The following MYH16 variants were observed in gnomAD, a reference collection of about 807,000 sequenced individuals.
MYH16 encodes the protein putative uncharacterized protein MYH16.
chr7:99,289,444 A>T (rs529175241), intron 30 of MYH16, 40 bp downstream of exon 11: 10 of 321,220 alleles, frequency 3.1e-5, no homozygotes, highest in South Asian at 2.3e-4. Context: ...GGAGCAGTGC[A>T]TGGAAAGGAA....
chr7:99,246,214 A>C (rs1791727345), intron 2 of MYH16, among the ~76,000 whole-genome samples: 1 of 151,636 alleles, frequency 6.6e-6, no homozygotes, highest in South Asian at 2.1e-4. Context: ...TCTAAAAAAA[A>C]AAAAAGAAAG....
At chr7:99,285,084 G>C in intron 26 of MYH16, 149 bp downstream of exon 8, 2 of 400,336 alleles carry the variant, frequency 5.0e-6, no homozygotes, top group South Asian at 3.7e-5. Context: ...CCCCTCACTA[G>C]GGGTGAAATC....
At chr7:99,310,634 A>T (rs567047044), downstream of MYH16, 1 of 152,340 alleles carries the variant, frequency 6.6e-6, no homozygotes, top group South Asian at 2.1e-4. Context: ...CATCCCAGGG[A>T]GCTGTCTTTC....
chr7:99,308,359 A>G (rs1226711736), downstream of MYH16, among the ~76,000 whole-genome samples: 1 of 149,654 alleles, frequency 6.7e-6, no homozygotes, highest in Non-Finnish European at 1.5e-5. Flanking sequence ...CCCGGGGAGT[A>G]GCCACTATTC....
At chr7:99,251,058 A>G in intron 5 of MYH16, 1 of 178,362 alleles carries the variant, frequency 5.6e-6, no homozygotes, top group Non-Finnish European at 1.2e-5. Flanking sequence ...GCAGCAGCCA[A>G]CTGGTCAACT....
chr7:99,309,096 G>A (rs1792722116), downstream of MYH16, among the ~76,000 whole-genome samples: 1 of 152,174 alleles, frequency 6.6e-6, no homozygotes, highest in Admixed American at 6.6e-5. Context: ...CCTGTGCTAT[G>A]AAAAGGCAAG....
At chr7:99,244,719 G>C (rs1791708016) in intron 2 of MYH16, among the ~76,000 whole-genome samples, 1 of 152,230 alleles carries the variant, frequency 6.6e-6, no homozygotes, top group Non-Finnish European at 1.5e-5. Flanking sequence ...AGGTCTGGAA[G>C]TTAGCAGGGC....
intron 33 of MYH16, among the ~76,000 whole-genome samples, chr7:99,294,835 G>A (rs968802664): frequency 1.3e-5 from 2 of 152,062 alleles, no homozygotes; most frequent in Non-Finnish European, 2.9e-5. Context: ...CTAAGTGCCA[G>A]GATTATAGGC....
At chr7:99,263,765 T>C (rs1304320377) in intron 14 of MYH16, among the ~76,000 whole-genome samples, 1 of 152,182 alleles carries the variant, frequency 6.6e-6, no homozygotes, top group Non-Finnish European at 1.5e-5. Context: ...GTTCTATGTT[T>C]CTTTTCTGTT....
intron 6 of MYH16, among the ~76,000 whole-genome samples, chr7:99,252,210 G>T (rs185904948): frequency 1.8e-4 from 28 of 152,192 alleles, no homozygotes; most frequent in Admixed American, 3.3e-4. Context: ...GCTGTCTGGC[G>T]GGAGCTGTAG....
chr7:99,244,349 A>C (rs1202158758), intron 2 of MYH16, among the ~76,000 whole-genome samples: 1 of 152,248 alleles, frequency 6.6e-6, no homozygotes, highest in Non-Finnish European at 1.5e-5. Context: ...AGTGAGTTAC[A>C]ATCAGTCCCC....
intron 21 of MYH16, among the ~76,000 whole-genome samples, chr7:99,278,194 C>T (rs945134874): frequency 3.3e-5 from 5 of 152,112 alleles, no homozygotes; most frequent in African/African-American, 4.8e-5. Context: ...CCTCCTATTT[C>T]GGCCTCCCAA....
chr7:99,271,591 T>TA (rs1792047282), intron 19 of MYH16, among the ~76,000 whole-genome samples: 2 of 152,364 alleles, frequency 1.3e-5, no homozygotes, highest in South Asian at 2.1e-4. Flanking sequence ...CAGGAATTTT[T>TA]AAAAATTTTT....
chr7:99,271,261 C>T (rs917761155), intron 19 of MYH16, among the ~76,000 whole-genome samples: 7 of 152,208 alleles, frequency 4.6e-5, no homozygotes, highest in African/African-American at 1.4e-4. Flanking sequence ...GTAATCCCAG[C>T]ACTTTGGGAG....
At chr7:99,291,177 G>T (rs1792367973) in intron 30 of MYH16, 146 bp from the exon 12 acceptor site, 2 of 341,086 alleles carry the variant, frequency 5.9e-6, no homozygotes, top group African/African-American at 4.4e-5. Context: ...GGCTAGAGTG[G>T]TGATCTACTG....
intron 26 of MYH16, 86 bp from the exon 9 acceptor site, chr7:99,285,296 C>T (rs1183777432): frequency 4.5e-6 from 2 of 445,664 alleles, no homozygotes; most frequent in Non-Finnish European, 9.0e-6. Flanking sequence ...ATTCTCACAT[C>T]CCTATTTTCC....
At chr7:99,270,808 C>T (rs1792037256) in intron 18 of MYH16, 1 of 151,946 alleles carries the variant, frequency 6.6e-6, no homozygotes, top group Non-Finnish European at 1.5e-5. Context: ...TGCTTAAGCT[C>T]GGGAGGTTGA....
chr7:99,260,320 G>A (rs902863215), exon 12 of MYH16: 101 of 1,381,086 alleles, frequency 7.3e-5, no homozygotes, highest in Middle Eastern at 2.0e-4. Context: ...GGCCTGCATC[G>A]ACCTGCTGGA....
At chr7:99,293,135 T>C (rs1792416281) in intron 32 of MYH16, among the ~76,000 whole-genome samples, 1 of 152,140 alleles carries the variant, frequency 6.6e-6, no homozygotes, top group African/African-American at 2.4e-5. Context: ...AGGGGATCCA[T>C]GACAAGTTAA....
Sources: allele counts gnomAD v4.1 joint callset (sites outside exome capture counted in the v4.1 genomes callset), GRCh38; gene constraint gnomAD v4.1.1; transcripts MANE v1.5; gene names NCBI Gene and HGNC (gene_info 2026-07-23, HGNC 2026-07-21).